The following GPATCH2L variants were observed in gnomAD, a reference collection of about 807,000 sequenced individuals.
GPATCH2L encodes the protein G patch domain-containing protein 2-like.
A neutral mutation model predicts 57.4 loss-of-function variants in GPATCH2L; 31 were observed. The observed-to-expected ratio is 0.54, with a 90% CI of 0.41 to 0.73. The LOEUF (loss-of-function observed/expected upper bound fraction) is 0.73, where lower values mean the gene tolerates loss of function less well. GPATCH2L is among the 30% of genes least tolerant of loss of function. The pLI is 0.00. For missense variants in GPATCH2L, 481 were observed against 599.9 expected, an observed-to-expected ratio of 0.80 and a Z score of 2.07; for synonymous variants, 199 against 210.7, an observed-to-expected ratio of 0.94 and a Z score of 0.48.
intron 3 of GPATCH2L, among the ~76,000 whole-genome samples, chr14:76,169,046 A>G (rs978408756): frequency 1.3e-5 from 2 of 152,152 alleles, no homozygotes; most frequent in African/African-American, 4.8e-5. Flanking sequence ...TGCTGGCTCC[A>G]CCTGATGTGC....
intron 3 of GPATCH2L, among the ~76,000 whole-genome samples, chr14:76,169,113 C>CA (rs1413088677): frequency 1.3e-5 from 2 of 152,200 alleles, no homozygotes; most frequent in African/African-American, 4.8e-5. Context: ...TGTGAATAGT[C>CA]ACTTCATTAC....
chr14:76,176,314 T>C, intron 5 of GPATCH2L: 1 of 242,650 alleles, frequency 4.1e-6, no homozygotes, highest in East Asian at 8.5e-5. Context: ...GGATTTTTAC[T>C]CCTATATACT....
At chr14:76,224,941 T>C (rs2040530625) in intron 1 of GPATCH2L, among the ~76,000 whole-genome samples, 1 of 151,874 alleles carries the variant, frequency 6.6e-6, no homozygotes, top group Admixed American at 6.6e-5. Context: ...TGAGAAAAAA[T>C]CTTTACATGG....
At chr14:76,215,267 C>A (rs925457007), downstream of GPATCH2L, among the ~76,000 whole-genome samples, 1 of 152,000 alleles carries the variant, frequency 6.6e-6, no homozygotes, top group African/African-American at 2.4e-5. Context: ...CAGGAAACAA[C>A]AGGTGCTGGA....
chr14:76,171,363 T>C (rs1349832185), intron 3 of GPATCH2L, among the ~76,000 whole-genome samples: 1 of 150,848 alleles, frequency 6.6e-6, no homozygotes, highest in East Asian at 1.9e-4. Flanking sequence ...TCAGTTGAGG[T>C]CAGGAGTCCA....
intron 1 of GPATCH2L, among the ~76,000 whole-genome samples, chr14:76,229,601 G>A (rs1346727653): frequency 6.6e-6 from 1 of 152,096 alleles, no homozygotes; most frequent in Non-Finnish European, 1.5e-5. Flanking sequence ...CTACGCTATG[G>A]GCCCTGCGTA....
intron 2 of GPATCH2L, among the ~76,000 whole-genome samples, chr14:76,157,911 G>C (rs2038386334): frequency 6.6e-6 from 1 of 152,024 alleles, no homozygotes; most frequent in Admixed American, 6.6e-5. Flanking sequence ...TGCTTGCATA[G>C]AGATCAAACT....
intron 3 of GPATCH2L, among the ~76,000 whole-genome samples, chr14:76,168,437 A>C (rs2038940814): frequency 1.3e-5 from 2 of 152,196 alleles, no homozygotes; most frequent in Admixed American, 1.3e-4. Context: ...ACAGTTTACC[A>C]TACTCATTTC....
chr14:76,165,657 G>T (rs2038800476), intron 2 of GPATCH2L, among the ~76,000 whole-genome samples: 1 of 152,012 alleles, frequency 6.6e-6, no homozygotes, highest in African/African-American at 2.4e-5. Context: ...CTGGTATTCA[G>T]AGACAAGCTT....
At chr14:76,171,531 C>A (rs1036440890) in intron 3 of GPATCH2L, among the ~76,000 whole-genome samples, 2 of 151,870 alleles carry the variant, frequency 1.3e-5, no homozygotes, top group African/African-American at 4.8e-5. Flanking sequence ...TACAGTGAAC[C>A]AAGATCACGC....
In GPATCH2L at chr14:76,154,964, G is replaced by C. The variant is rs1211605718; in HGVS notation, c.601G>C (p.Glu201Gln). ...RTFLSKTGRKERMECETDEQK... is the reference protein window; with the variant it reads ...RTFLSKTGRKQRMECETDEQK... ...TTTCCTAAGCAAAACAGGAAGGAAA[G>C]AAAGGATGGAGTGTGAAACAGATGA... is the stretch of plus-strand genomic sequence containing the variant. Residue 201 changes from glutamate to glutamine, a missense_variant, in exon 2 of 10, where the codon GAA becomes CAA. By Grantham distance (29) the Glu-to-Gln change is conservative (BLOSUM62 2). Transcript: ENST00000261530. This position sits in a 1 kb window ranked among gnomAD's most constrained non-coding sequence, Gnocchi z 4.4. The C allele has an allele frequency of 5.0e-6, 8 of 1,613,924 alleles. No individual in the cohort carries two copies. Among genetic ancestry groups the C allele is most frequent in the Non-Finnish European group, 6.8e-6 (8 of 1,180,036 alleles).
chr14:76,210,584 T>C lies in GPATCH2L; in HGVS notation c.*8733T>C, dbSNP rs1280488298. Reference sequence around the variant, plus strand: ...AGCCGGTTTCTGTGACATCCTCTTATAACAACCTAGTTTTGTTCTTGAGAG... The same window carrying C: ...AGCCGGTTTCTGTGACATCCTCTTACAACAACCTAGTTTTGTTCTTGAGAG... On this transcript the variant is annotated 3_prime_UTR_variant, in exon 10 of 10. Coordinates refer to ENST00000261530, the MANE Select transcript of GPATCH2L (RefSeq NM_017926.4). 6.6e-6 allele frequency: 1 copy of C among 152,190 alleles called. No homozygotes were observed. The highest frequency in any genetic ancestry group is 1.5e-5 in the Non-Finnish European group (1 of 68,038). 9.4% of individuals were successfully genotyped at this position (152,190 alleles called of 1,614,324 possible). A position where few individuals can be genotyped will look rare whatever the true frequency, so the allele number is the denominator to read the frequency against.
At chr14:76,152,381 G>T (rs2038086985) in intron 1 of GPATCH2L, 3 of 250,212 alleles carry the variant, frequency 1.2e-5, no homozygotes, top group South Asian at 8.4e-5. Context: ...GAGCTCAGTC[G>T]CCAAGACTTG....
At chr14:76,174,665 G>A (rs1031164327) in intron 5 of GPATCH2L, 2 of 147,444 alleles carry the variant, frequency 1.4e-5, no homozygotes, top group African/African-American at 5.0e-5. Flanking sequence ...ATGGAATCTC[G>A]CTCTGTGACC....
intron 9 of GPATCH2L, among the ~76,000 whole-genome samples, chr14:76,196,973 T>G (rs965585343): frequency 1.3e-5 from 2 of 152,176 alleles, no homozygotes; most frequent in East Asian, 1.9e-4. Context: ...TACTTTTTTT[T>G]CAGTGCTTTC....
At position 76,213,820 on chromosome 14, in the gene GPATCH2L, C is replaced by T. The variant is rs985570792; in HGVS notation, c.*11969C>T. 6.6e-6 allele frequency: 1 copy of T among 152,170 alleles called. No individual in the cohort carries two copies. Among genetic ancestry groups the T allele is most frequent in the African/African-American group, 2.4e-5 (1 of 41,448 alleles). 9.4% of individuals were successfully genotyped at this position (152,170 alleles called of 1,614,324 possible). A position where few individuals can be genotyped will look rare whatever the true frequency, so the allele number is the denominator to read the frequency against. ...ACAATTATTGAAACTAGGAAATTAA[C>T]ATTGGCACAATCCTATTAACTACAT... On this transcript the variant is annotated 3_prime_UTR_variant, in exon 10 of 10. Transcript: ENST00000261530.
intron 8 of GPATCH2L, among the ~76,000 whole-genome samples, chr14:76,189,653 A>G (rs1268258836): frequency 1.3e-5 from 2 of 152,208 alleles, no homozygotes; most frequent in African/African-American, 2.4e-5. Flanking sequence ...AAACAAGGAT[A>G]CTTTGATGTC....
At chr14:76,188,344 C>T (rs143617925) in intron 8 of GPATCH2L, among the ~76,000 whole-genome samples, 6 of 152,096 alleles carry the variant, frequency 3.9e-5, no homozygotes, top group East Asian at 1.9e-4. Context: ...CAACAGTGTA[C>T]GAAGATTACC....
chr14:76,183,546 T>C (rs2039654534), intron 8 of GPATCH2L, among the ~76,000 whole-genome samples: 1 of 152,250 alleles, frequency 6.6e-6, no homozygotes, highest in Non-Finnish European at 1.5e-5. Flanking sequence ...TTTATGTATA[T>C]GTACTACATA....
Sources: gnomAD v4.1 joint callset for allele counts (sites outside exome capture counted in the v4.1 genomes callset) on GRCh38, gnomAD v4.1.1 for gene constraint, Gnocchi (gnomAD v3.1) non-coding constraint, MANE v1.5 for transcripts, NCBI Gene and HGNC (gene_info 2026-07-23, HGNC 2026-07-21) for gene names.